Variants in EZHIP observed in about 807,000 individuals in gnomAD.
The protein encoded by EZHIP is EZH inhibitory protein, also known as K27M-like inhibitor of PRC2.
For synonymous variants in EZHIP, 192 were observed against 86.5 expected (o/e 2.22, Z -6.77); for missense variants, 428 against 204.2 (o/e 2.10, Z -6.68).
In EZHIP at chrX:51,408,488, TAGAG is replaced by T. The variant is rs782548485; in HGVS notation, c.1475_1478del (p.Glu492AlafsTer15). ...GTCCCTCCAGAAGAGCAGGCAGAAA[TAGAG>T]AGCACAGCTCACCCCGCAACACCGC... On this transcript the variant is annotated frameshift_variant, in exon 1 of 1. Coordinates refer to ENST00000342995, the MANE Select transcript of EZHIP (RefSeq NM_203407.3). LOFTEE classifies it high-confidence loss of function. 20 of 569,191 alleles carry T rather than the reference TAGAG, an allele frequency of 3.5e-5. No homozygotes were observed. The highest frequency in any genetic ancestry group is 9.8e-5 in the East Asian group (3 of 30,735). The allele number at this position is 569,191 out of a possible 1,213,427, so 46.9% of individuals were successfully genotyped here. A position where few individuals can be genotyped will look rare whatever the true frequency, so the allele number is the denominator to read the frequency against.
At position 51,407,879 on chromosome X, in the gene EZHIP, C is replaced by T. The variant is rs1952826398; in HGVS notation, c.863C>T (p.Pro288Leu). The T allele has an allele frequency of 1.8e-6, 1 of 557,136 alleles. No individual in the cohort carries two copies. The highest frequency in any genetic ancestry group is 2.2e-5 in the African/African-American group (1 of 44,770). 45.9% of individuals were successfully genotyped at this position (557,136 alleles called of 1,213,427 possible). A position where few individuals can be genotyped will look rare whatever the true frequency, so the allele number is the denominator to read the frequency against. The change falls in exon 1 of 1, where the codon CCT (proline) becomes CTT (leucine). Residue 288 changes from proline to leucine, a missense_variant. Pro to Leu is a moderately conservative substitution (Grantham distance 98). Coordinates refer to ENST00000342995, the MANE Select transcript of EZHIP (RefSeq NM_203407.3). The part of the protein sequence containing the change: ...ARRGCDSAPG[P>L]ARRGRDSAPV... ...CGAGGCTGCGATTCTGCGCCAGGCC[C>T]TGCCCGCCGAGGCCGCGATTCTGCG...
In EZHIP at chrX:51,407,937, G is replaced by T; in HGVS notation, c.921G>T (p.Ala307=). Residue 307 remains alanine (A), a synonymous_variant, in exon 1 of 1, where the codon GCG becomes GCT. Transcript: ENST00000342995. ...PVSAPRGRDS[A]PGSARRGRDS... ...CTGCCCCCCGAGGCCGCGATTCTGC[G>T]CCAGGCTCTGCCCGCCGAGGCCGCG... 1.8e-6 allele frequency: 1 copy of T among 558,110 alleles called. No individual in the cohort carries two copies. The highest frequency in any genetic ancestry group is 2.2e-5 in the Admixed American group (1 of 44,759). The allele number at this position is 558,110 out of a possible 1,213,427, so 46.0% of individuals were successfully genotyped here.
In EZHIP at chrX:51,407,941, G is replaced by A. The variant is rs1924122927; in HGVS notation, c.925G>A (p.Gly309Ser). The change falls in exon 1 of 1, where the codon GGC becomes AGC. Residue 309 changes from glycine to serine, a missense_variant. Coordinates refer to ENST00000342995, the MANE Select transcript of EZHIP (RefSeq NM_203407.3). ...CCCCCGAGGCCGCGATTCTGCGCCAGGCTCTGCCCGCCGAGGCCGCGATTC... is the reference window on the plus strand; with the variant it reads ...CCCCCGAGGCCGCGATTCTGCGCCAAGCTCTGCCCGCCGAGGCCGCGATTC... The part of the protein sequence containing the change: ...SAPRGRDSAP[G>S]SARRGRDSAP... The A allele has an allele frequency of 1.8e-6, 1 of 558,920 alleles. No individual in the cohort carries two copies. Among genetic ancestry groups the A allele is most frequent in the African/African-American group, 2.2e-5 (1 of 44,820 alleles). The allele number at this position is 558,920 out of a possible 1,213,427, so 46.1% of individuals were successfully genotyped here.
Position 51,407,181 on chromosome X carries a change from G to C in EZHIP, c.165G>C (p.Ser55=), listed in dbSNP as rs782633330. The part of the protein sequence containing the change: ...VTTVSSQASP[S]GGAALSSSTA... ...CAGTCTCCAGCCAAGCATCTCCCTCGGGCGGCGCCGCCCTAAGCAGCAGCA... is the reference window on the plus strand; with the variant it reads ...CAGTCTCCAGCCAAGCATCTCCCTCCGGCGGCGCCGCCCTAAGCAGCAGCA... Residue 55 remains serine (S), a synonymous_variant, in exon 1 of 1, where the codon TCG becomes TCC. Coordinates refer to ENST00000342995, the MANE Select transcript of EZHIP (RefSeq NM_203407.3). The C allele has an allele frequency of 3.5e-6, 2 of 568,848 alleles. No homozygotes were observed. Among genetic ancestry groups the C allele is most frequent in the Non-Finnish European group, 6.5e-6 (2 of 308,999 alleles). 46.9% of individuals were successfully genotyped at this position (568,848 alleles called of 1,213,427 possible). A position where few individuals can be genotyped will look rare whatever the true frequency, so the allele number is the denominator to read the frequency against.
At position 51,407,995 on chromosome X, in the gene EZHIP, A is replaced by G. The variant is rs781899616; in HGVS notation, c.979A>G (p.Thr327Ala). ...GCCAGGCCCTGCCCTTCGCGTCCGC[A>G]CAGCAAGGTCAGACGCCGGTCATCG... ...SAPGPALRVR[T>A]ARSDAGHRST... is the part of the protein sequence containing the mutation. Residue 327 changes from threonine (T) to alanine (A), a missense_variant, in exon 1 of 1, where the codon ACA becomes GCA. By Grantham distance (58) the Thr-to-Ala change is moderately conservative (BLOSUM62 0). Coordinates refer to ENST00000342995, the MANE Select transcript of EZHIP (RefSeq NM_203407.3). 1.8e-6 allele frequency: 1 copy of G among 568,745 alleles called. No individual in the cohort carries two copies. Among genetic ancestry groups the G allele is most frequent in the Admixed American group, 2.2e-5 (1 of 45,285 alleles). The allele number at this position is 568,745 out of a possible 1,213,427, so 46.9% of individuals were successfully genotyped here. A position where few individuals can be genotyped will look rare whatever the true frequency, so the allele number is the denominator to read the frequency against.
rs782533693 is a variant in EZHIP at position 51,407,309 on chromosome X, C to G, written c.293C>G (p.Ser98Cys). The change falls in exon 1 of 1, where the codon TCT (serine) becomes TGT (cysteine). Residue 98 changes from serine (S) to cysteine (C), a missense_variant. Physicochemically the swap from Ser to Cys is moderately radical, Grantham distance 112. Transcript: ENST00000342995. ...GCTGCTGTGCTGACGGAGAGGCATT[C>G]TGACCGCCAGGACTGCCGCAGTCCT... ...IIAAVLTERH[S>C]DRQDCRSPHE... The G allele has an allele frequency of 4.7e-5, 27 of 571,138 alleles. No homozygotes were observed. The South Asian group carries it at 5.8e-4, about 12-fold the overall frequency. 47.1% of individuals were successfully genotyped at this position (571,138 alleles called of 1,213,427 possible).
rs1557318580 is a variant in EZHIP at position 51,407,117 on chromosome X, G to T, written c.101G>T (p.Cys34Phe). 1 of 570,447 alleles carries T rather than the reference G, an allele frequency of 1.8e-6. No homozygotes were observed. Among genetic ancestry groups the T allele is most frequent in the Admixed American group, 2.2e-5 (1 of 45,240 alleles). The allele number at this position is 570,447 out of a possible 1,213,427, so 47.0% of individuals were successfully genotyped here. The change falls in exon 1 of 1, where the codon TGC becomes TTC. Residue 34 changes from cysteine to phenylalanine, a missense_variant. By Grantham distance (205) the Cys-to-Phe change is radical. Transcript: ENST00000342995. The stretch of plus-strand genomic sequence containing the variant: ...ACCGCCCTTGCCTCCGGGGATGCCT[G>T]CGGGACCGGGAATCAAGATCCTGCT... Reference protein sequence around the residue: ...NETALASGDACGTGNQDPAAS... With the variant: ...NETALASGDAFGTGNQDPAAS...
chrX:51,407,871 G>A lies in EZHIP; in HGVS notation c.855G>A (p.Ala285=), dbSNP rs782809547. Residue 285 remains alanine (A), a synonymous_variant, in exon 1 of 1, where the codon GCG becomes GCA. Transcript: ENST00000342995. ...PGPARRGCDS[A]PGPARRGRDS... is the part of the protein sequence containing the mutation. ...CTGCCCGCCGAGGCTGCGATTCTGC[G>A]CCAGGCCCTGCCCGCCGAGGCCGCG... 17 of 555,212 alleles carry A rather than the reference G, an allele frequency of 3.1e-5. No individual in the cohort carries two copies. Among genetic ancestry groups the A allele is most frequent in the Non-Finnish European group, 4.9e-5 (15 of 304,395 alleles). 45.8% of individuals were successfully genotyped at this position (555,212 alleles called of 1,213,427 possible). A position where few individuals can be genotyped will look rare whatever the true frequency, so the allele number is the denominator to read the frequency against.
chrX:51,407,149 G>A lies in EZHIP; in HGVS notation c.133G>A (p.Val45Ile), dbSNP rs139330732. 1 of 570,626 alleles carries A rather than the reference G, an allele frequency of 1.8e-6. No homozygotes were observed. The allele number at this position is 570,626 out of a possible 1,213,427, so 47.0% of individuals were successfully genotyped here. A position where few individuals can be genotyped will look rare whatever the true frequency, so the allele number is the denominator to read the frequency against. Residue 45 changes from valine to isoleucine, a missense_variant, in exon 1 of 1, where the codon GTC (valine) becomes ATC (isoleucine). Physicochemically the swap from Val to Ile is conservative, Grantham distance 29. Transcript: ENST00000342995. ...GTGNQDPAAS[V>I]TTVSSQASPS... ...CGGGAATCAAGATCCTGCTGCTTCCGTCACCACAGTCTCCAGCCAAGCATC... is the reference window on the plus strand; with the variant it reads ...CGGGAATCAAGATCCTGCTGCTTCCATCACCACAGTCTCCAGCCAAGCATC...
In EZHIP at chrX:51,407,495, A is replaced by G. The variant is rs1042920729; in HGVS notation, c.479A>G (p.Gln160Arg). The G allele has an allele frequency of 3.7e-6, 2 of 539,505 alleles. No individual in the cohort carries two copies. The highest frequency in any genetic ancestry group is 2.3e-5 in the African/African-American group (1 of 44,068). The allele number at this position is 539,505 out of a possible 1,213,427, so 44.5% of individuals were successfully genotyped here. A position where few individuals can be genotyped will look rare whatever the true frequency, so the allele number is the denominator to read the frequency against. Residue 160 changes from glutamine to arginine, a missense_variant, in exon 1 of 1, where the codon CAG becomes CGG. By Grantham distance (43) the Gln-to-Arg change is conservative. Transcript: ENST00000342995. ...QPCRNQAAPAQKPPGRRLFPE... is the reference protein window; with the variant it reads ...QPCRNQAAPARKPPGRRLFPE... ...TGCCGCAACCAGGCTGCCCCGGCTC[A>G]GAAGCCTCCAGGGCGGCGTCTGTTT...
rs782304227 is a variant in EZHIP, at chrX:51,407,473, C to T, written c.457C>T (p.Arg153Cys). ...GNSRRRKQPC[R>C]NQAAPAQKPP... Reference sequence around the variant, plus strand: ...CAGCCGTCGTAGGAAGCAGCCCTGCCGCAACCAGGCTGCCCCGGCTCAGAA... The same window carrying T: ...CAGCCGTCGTAGGAAGCAGCCCTGCTGCAACCAGGCTGCCCCGGCTCAGAA... Residue 153 changes from arginine to cysteine, a missense_variant, in exon 1 of 1, where the codon CGC becomes TGC. By Grantham distance (180) the Arg-to-Cys change is radical (BLOSUM62 -3). Transcript: ENST00000342995. 2.6e-5 allele frequency: 14 copies of T among 536,073 alleles called. No individual in the cohort carries two copies. Among genetic ancestry groups the T allele is most frequent in the Non-Finnish European group, 4.5e-5 (13 of 292,062 alleles). 44.2% of individuals were successfully genotyped at this position (536,073 alleles called of 1,213,427 possible). A position where few individuals can be genotyped will look rare whatever the true frequency, so the allele number is the denominator to read the frequency against.
In EZHIP at chrX:51,407,485, G is replaced by A; in HGVS notation, c.469G>A (p.Ala157Thr). 1.9e-6 allele frequency: 1 copy of A among 538,140 alleles called. No individual in the cohort carries two copies. The highest frequency in any genetic ancestry group is 2.4e-5 in the South Asian group (1 of 41,406). 44.3% of individuals were successfully genotyped at this position (538,140 alleles called of 1,213,427 possible). Residue 157 changes from alanine (A) to threonine (T), a missense_variant, in exon 1 of 1, where the codon GCC becomes ACC. Ala to Thr is a moderately conservative substitution (Grantham distance 58, BLOSUM62 0). Coordinates refer to ENST00000342995, the MANE Select transcript of EZHIP (RefSeq NM_203407.3). ...GAAGCAGCCCTGCCGCAACCAGGCT[G>A]CCCCGGCTCAGAAGCCTCCAGGGCG... The part of the protein sequence containing the change: ...RRKQPCRNQA[A>T]PAQKPPGRRL...
Position 51,407,942 on chromosome X carries a change from G to A in EZHIP, c.926G>A (p.Gly309Asp). ...CCCCGAGGCCGCGATTCTGCGCCAGGCTCTGCCCGCCGAGGCCGCGATTCT... is the reference window on the plus strand; with the variant it reads ...CCCCGAGGCCGCGATTCTGCGCCAGACTCTGCCCGCCGAGGCCGCGATTCT... The part of the protein sequence containing the change: ...SAPRGRDSAP[G>D]SARRGRDSAP... Residue 309 changes from glycine to aspartate, a missense_variant, in exon 1 of 1, where the codon GGC becomes GAC. Physicochemically the swap from Gly to Asp is moderately conservative, Grantham distance 94. Transcript: ENST00000342995. The A allele has an allele frequency of 1.8e-6, 1 of 558,854 alleles. No individual in the cohort carries two copies. Among genetic ancestry groups the A allele is most frequent in the African/African-American group, 2.2e-5 (1 of 45,019 alleles). The allele number at this position is 558,854 out of a possible 1,213,427, so 46.1% of individuals were successfully genotyped here.
chrX:51,408,256 C>A lies in EZHIP; in HGVS notation c.1240C>A (p.Pro414Thr), dbSNP rs868913097. ...VRMRASSPSP[P>T]GRFFLPIPQQ... The stretch of plus-strand genomic sequence containing the variant: ...TATGCGTGCCTCCTCACCCTCACCC[C>A]CTGGGAGGTTCTTCCTTCCCATCCC... Residue 414 changes from proline (P) to threonine (T), a missense_variant, in exon 1 of 1, where the codon CCT (proline) becomes ACT (threonine). Coordinates refer to ENST00000342995, the MANE Select transcript of EZHIP (RefSeq NM_203407.3). 2 of 571,164 alleles carry A rather than the reference C, an allele frequency of 3.5e-6. No homozygotes were observed. Among genetic ancestry groups the A allele is most frequent in the East Asian group, 6.5e-5 (2 of 30,799 alleles). The allele number at this position is 571,164 out of a possible 1,213,427, so 47.1% of individuals were successfully genotyped here. A position where few individuals can be genotyped will look rare whatever the true frequency, so the allele number is the denominator to read the frequency against.
chrX:51,408,758 C>T lies in EZHIP; in HGVS notation c.*230C>T. On this transcript the variant is annotated 3_prime_UTR_variant, in exon 1 of 1. Coordinates refer to ENST00000342995, the MANE Select transcript of EZHIP (RefSeq NM_203407.3). ...TCTTCCTCAAGAGTTTGCCTTTGCC[C>T]TTGAGCTGAGATTTCTGTTTTCCAA... 1 of 363,951 alleles carries T rather than the reference C, an allele frequency of 2.7e-6. No homozygotes were observed. Among genetic ancestry groups the T allele is most frequent in the Non-Finnish European group, 4.9e-6 (1 of 203,277 alleles). 30.0% of individuals were successfully genotyped at this position (363,951 alleles called of 1,213,427 possible).
rs1924094872 is a variant in EZHIP at position 51,407,456 on chromosome X, G to A, written c.440G>A (p.Arg147His). 1 of 532,119 alleles carries A rather than the reference G, an allele frequency of 1.9e-6. No homozygotes were observed. Among genetic ancestry groups the A allele is most frequent in the Non-Finnish European group, 3.4e-6 (1 of 290,362 alleles). The allele number at this position is 532,119 out of a possible 1,213,427, so 43.9% of individuals were successfully genotyped here. Residue 147 changes from arginine (R) to histidine (H), a missense_variant, in exon 1 of 1, where the codon CGT becomes CAT. Physicochemically the swap from Arg to His is conservative, Grantham distance 29. Coordinates refer to ENST00000342995, the MANE Select transcript of EZHIP (RefSeq NM_203407.3). The part of the protein sequence containing the change: ...AQTKSPGNSR[R>H]RKQPCRNQAA... ...ACCAAGAGCCCCGGGAACAGCCGTC[G>A]TAGGAAGCAGCCCTGCCGCAACCAG...
Position 51,407,407 on chromosome X carries a change from C to T in EZHIP, c.391C>T (p.His131Tyr). The T allele has an allele frequency of 1.8e-6, 1 of 547,357 alleles. No individual in the cohort carries two copies. Among genetic ancestry groups the T allele is most frequent in the East Asian group, 3.4e-5 (1 of 29,165 alleles). 45.1% of individuals were successfully genotyped at this position (547,357 alleles called of 1,213,427 possible). A position where few individuals can be genotyped will look rare whatever the true frequency, so the allele number is the denominator to read the frequency against. Reference sequence around the variant, plus strand: ...TGTGGGGCCCCAGAAGGCCACTGGCCACGCCGACGAGCACCTGGCCCAGAC... The same window carrying T: ...TGTGGGGCCCCAGAAGGCCACTGGCTACGCCGACGAGCACCTGGCCCAGAC... ...AAVGPQKATG[H>Y]ADEHLAQTKS... The change falls in exon 1 of 1, where the codon CAC becomes TAC. Residue 131 changes from histidine to tyrosine, a missense_variant. Coordinates refer to ENST00000342995, the MANE Select transcript of EZHIP (RefSeq NM_203407.3).
In EZHIP at chrX:51,408,167, G is replaced by C. The variant is rs1557318925; in HGVS notation, c.1151G>C (p.Arg384Thr). The change falls in exon 1 of 1, where the codon AGA (arginine) becomes ACA (threonine). Residue 384 changes from arginine (R) to threonine (T), a missense_variant. Physicochemically the swap from Arg to Thr is moderately conservative, Grantham distance 71 (BLOSUM62 -1). Transcript: ENST00000342995. ...TCAGAAAGGCTTGCCTTTCAGAGCA[G>C]ATCAGGCTCTCCTGATCCTGAGGTC... is the stretch of plus-strand genomic sequence containing the variant. ...TGSERLAFQS[R>T]SGSPDPEVPS... The C allele has an allele frequency of 3.5e-6, 2 of 570,938 alleles. No homozygotes were observed. Among genetic ancestry groups the C allele is most frequent in the South Asian group, 2.2e-5 (1 of 45,003 alleles). The allele number at this position is 570,938 out of a possible 1,213,427, so 47.1% of individuals were successfully genotyped here. A position where few individuals can be genotyped will look rare whatever the true frequency, so the allele number is the denominator to read the frequency against.
chrX:51,407,864 AT>A lies in EZHIP; in HGVS notation c.850del (p.Ser284LeufsTer163), dbSNP rs781825591. ...CCAGGCCCTGCCCGCCGAGGCTGCG[AT>A]TCTGCGCCAGGCCCTGCCCGCCGAG... ...SVPGPARRGC[D>X]SAPGPARRGR... On this transcript the variant is annotated frameshift_variant, in exon 1 of 1. Coordinates refer to ENST00000342995, the MANE Select transcript of EZHIP (RefSeq NM_203407.3). LOFTEE classifies it low-confidence loss of function (END_TRUNC). The A allele has an allele frequency of 5.4e-5, 30 of 551,620 alleles. No individual in the cohort carries two copies. The African/African-American group carries it at 6.6e-4, about 12-fold the overall frequency. The allele number at this position is 551,620 out of a possible 1,213,427, so 45.5% of individuals were successfully genotyped here.
Sources: gnomAD v4.1 joint callset for allele counts on GRCh38, gnomAD v4.1.1 for gene constraint, MANE v1.5 for transcripts, NCBI Gene and HGNC (gene_info 2026-07-23, HGNC 2026-07-21) for gene names.